The following CC2D2B variants were observed in gnomAD, a reference collection of about 807,000 sequenced individuals.
CC2D2B encodes the protein protein CC2D2B.
Under a neutral mutation model 161.2 loss-of-function variants are expected in CC2D2B, and 128 were observed. The ratio of observed to expected loss-of-function variants is 0.79; its 90% CI spans 0.69 to 0.92. CC2D2B has a LOEUF of 0.92. CC2D2B is among the 40% of genes least tolerant of loss of function. The probability of loss-of-function intolerance (pLI) is 0.00; values close to 1 mark genes in which losing one functional copy is unlikely to be tolerated. For synonymous variants in CC2D2B, 391 were observed against 449.8 expected, an observed-to-expected ratio of 0.87 and a Z score of 1.65; for missense variants, 1,173 against 1,375.1, an observed-to-expected ratio of 0.85 and a Z score of 2.32.
At chr10:95,963,540 G>C (rs537899767) in intron 12 of CC2D2B, among the ~76,000 whole-genome samples, 1 of 152,196 alleles carries the variant, frequency 6.6e-6, no homozygotes, top group South Asian at 2.1e-4. Context: ...TGAAGCCATG[G>C]GTGTGCATGA....
At position 95,965,986 on chromosome 10, in the gene CC2D2B, G is replaced by A. The variant is rs2076927234; in HGVS notation, c.1341G>A (p.Gly447=). 4 of 1,164,726 alleles carry A rather than the reference G, an allele frequency of 3.4e-6. No homozygotes were observed. The highest frequency in any genetic ancestry group is 4.4e-5 in the South Asian group (1 of 22,876). 72.1% of individuals were successfully genotyped at this position (1,164,726 alleles called of 1,614,324 possible). The change falls in exon 13 of 35, where the codon GGG becomes GGA. Residue 447 remains glycine (G), a synonymous_variant. Transcript: ENST00000646931. ...ATGAAGGAAAAGAACTTAAGAATGG[G>A]AAAAAACTGGAGGTATTTATATTGC... ...KKNEGKELKN[G]KKLESLSYLA... is the part of the protein sequence containing the mutation.
Position 96,000,975 on chromosome 10 carries a change from G to C in CC2D2B, c.2850-3177G>C, listed in dbSNP as rs1011226118. On this transcript the variant is annotated intron_variant, in intron 24 of 34. Transcript: ENST00000646931. ...GGATATCTTTTTCAATAACATTCCT[G>C]TATATAAAAGTATTTTTAGTTAAAA... is the stretch of plus-strand genomic sequence containing the variant. 113 of 152,184 alleles carry C rather than the reference G, an allele frequency of 7.4e-4. 1 individual carries two copies. Among genetic ancestry groups the C allele is most frequent in the African/African-American group, 2.6e-3 (110 of 41,518 alleles). 9.4% of individuals were successfully genotyped at this position (152,184 alleles called of 1,614,324 possible).
At chr10:95,995,230 C>T in intron 22 of CC2D2B, 39 bp from the exon 23 acceptor site, 1 of 1,187,934 alleles carries the variant, frequency 8.4e-7, no homozygotes, top group Non-Finnish European at 1.2e-6. Flanking sequence ...AATATTAAAA[C>T]TAATTAAGGT....
intron 10 of CC2D2B, among the ~76,000 whole-genome samples, chr10:95,954,817 A>G (rs2076519254): frequency 6.6e-6 from 1 of 152,054 alleles, no homozygotes; most frequent in Non-Finnish European, 1.5e-5. Context: ...AGTTCCCACA[A>G]ATTACCTCCA....
intron 34 of CC2D2B, among the ~76,000 whole-genome samples, chr10:96,029,296 A>ATG (rs1175990793): frequency 1.7e-5 from 2 of 116,882 alleles, no homozygotes; most frequent in Non-Finnish European, 3.8e-5. Flanking sequence ...GTATATATAT[A>ATG]TATATATATG....
chr10:96,003,598 G>A (rs1200317321), intron 24 of CC2D2B, among the ~76,000 whole-genome samples: 3 of 148,954 alleles, frequency 2.0e-5, no homozygotes, highest in African/African-American at 7.5e-5. Flanking sequence ...GTGTGTGTGT[G>A]TGTGTGTGTG....
intron 10 of CC2D2B, among the ~76,000 whole-genome samples, chr10:95,951,912 T>C (rs888396052): frequency 6.6e-5 from 10 of 152,176 alleles, no homozygotes; most frequent in African/African-American, 2.2e-4. Flanking sequence ...CAATTTATTC[T>C]CTTATGTGAA....
Position 96,027,327 on chromosome 10 carries a change from A to G in CC2D2B, c.4063A>G (p.Ile1355Val). The G allele has an allele frequency of 1.3e-6, 2 of 1,551,200 alleles. No individual in the cohort carries two copies. The highest frequency in any genetic ancestry group is 1.7e-6 in the Non-Finnish European group (2 of 1,146,712). Residue 1355 changes from isoleucine (I) to valine (V), a missense_variant, in exon 34 of 35, where the codon ATA (isoleucine) becomes GTA (valine). By Grantham distance (29) the Ile-to-Val change is conservative. This residue lies in a region of CC2D2B where 598 missense variants were observed against 693.2 expected (regional missense o/e 0.86). Coordinates refer to ENST00000646931, the MANE Select transcript of CC2D2B (RefSeq NM_001349008.3). ...RQILPKLEFG[I>V]GSFVSSEGDN... Reference sequence around the variant, plus strand: ...AATCCTTCCTAAGCTGGAATTTGGCATAGGAAGCTTTGTTTCATCTGAAGG... The same window carrying G: ...AATCCTTCCTAAGCTGGAATTTGGCGTAGGAAGCTTTGTTTCATCTGAAGG...
In CC2D2B at chr10:95,957,059, T is replaced by C. The variant is rs72813666; in HGVS notation, c.1109+1568T>C. 7.4e-3 allele frequency among the ~76,000 whole-genome samples: 1,130 copies of C among 152,264 alleles called. 8 individuals carry two copies. Among genetic ancestry groups the C allele is most frequent in the Middle Eastern group, 0.031 (9 of 294 alleles). The stretch of plus-strand genomic sequence containing the variant: ...GTAAATTGGGGTTAATTTTGGTCAA[T>C]GTCAGCTCTTAGCACAGTAGCAGCT... On this transcript the variant is annotated intron_variant, in intron 11 of 34. Coordinates refer to ENST00000646931, the MANE Select transcript of CC2D2B (RefSeq NM_001349008.3).
At chr10:95,909,978 C>G (rs1009832715) in intron 1 of CC2D2B, among the ~76,000 whole-genome samples, 1 of 152,186 alleles carries the variant, frequency 6.6e-6, no homozygotes, top group Admixed American at 6.5e-5. Context: ...GAGACCCTGT[C>G]TGTACCTAAT....
At chr10:95,992,274 C>T (rs1050772648) in intron 21 of CC2D2B, among the ~76,000 whole-genome samples, 2 of 152,164 alleles carry the variant, frequency 1.3e-5, no homozygotes, top group South Asian at 2.1e-4. Context: ...TCCATGTCCA[C>T]GTATCTGTTT....
At chr10:95,925,288 C>T (rs916757001) in intron 5 of CC2D2B, among the ~76,000 whole-genome samples, 7 of 152,074 alleles carry the variant, frequency 4.6e-5, no homozygotes, top group African/African-American at 1.7e-4. Flanking sequence ...GGAGCAGTAG[C>T]CTTAAAGTTC....
At chr10:95,961,194 T>C (rs1410899002) in intron 11 of CC2D2B, among the ~76,000 whole-genome samples, 1 of 152,194 alleles carries the variant, frequency 6.6e-6, no homozygotes, top group Non-Finnish European at 1.5e-5. Context: ...ATTGCTCCTT[T>C]CTTCCACCAT....
intron 19 of CC2D2B, among the ~76,000 whole-genome samples, chr10:95,984,293 T>A (rs2077633614): frequency 6.6e-6 from 1 of 152,196 alleles, no homozygotes; most frequent in Non-Finnish European, 1.5e-5. Context: ...TAAGGCTAGC[T>A]TTTCATATTA....
At position 95,972,198 on chromosome 10, in the gene CC2D2B, G is replaced by A. The variant is rs994246119; in HGVS notation, c.1777G>A (p.Asp593Asn). ...CTCTGATAAGCTGGTCATGCCTGCCGATGGAGAAGTAGGAAGCAGTGAGTT... is the reference window on the plus strand; with the variant it reads ...CTCTGATAAGCTGGTCATGCCTGCCAATGGAGAAGTAGGAAGCAGTGAGTT... The part of the protein sequence containing the change: ...FSSDKLVMPA[D>N]GEVGSNVPFL... The change falls in exon 16 of 35, where the codon GAT becomes AAT. Residue 593 changes from aspartate to asparagine, a missense_variant. By Grantham distance (23) the Asp-to-Asn change is conservative (BLOSUM62 1). This residue lies in a region of CC2D2B where 277 missense variants were observed against 420.6 expected (regional missense o/e 0.66). Transcript: ENST00000646931. The A allele has an allele frequency of 7.3e-6, 9 of 1,231,904 alleles. No homozygotes were observed. The highest frequency in any genetic ancestry group is 4.1e-5 in the South Asian group (1 of 24,326). The allele number at this position is 1,231,904 out of a possible 1,614,324, so 76.3% of individuals were successfully genotyped here.
intron 15 of CC2D2B, among the ~76,000 whole-genome samples, chr10:95,970,468 G>T (rs544108743): frequency 6.6e-6 from 1 of 152,064 alleles, no homozygotes; most frequent in Non-Finnish European, 1.5e-5. Flanking sequence ...GTTTAAAAAC[G>T]CCCATTTTCA....
chr10:95,944,834 A>G (rs1230212067), intron 9 of CC2D2B, among the ~76,000 whole-genome samples: 1 of 152,240 alleles, frequency 6.6e-6, no homozygotes, highest in Non-Finnish European at 1.5e-5. Flanking sequence ...TGTAAAGGCC[A>G]TCTCACCAAC....
chr10:95,927,857 G>A (rs1281584295), intron 6 of CC2D2B, among the ~76,000 whole-genome samples: 1 of 151,924 alleles, frequency 6.6e-6, no homozygotes, highest in Non-Finnish European at 1.5e-5. Flanking sequence ...CTCAAACTGT[G>A]TAGTCTCCCT....
chr10:95,971,617 C>A (rs1348417698), intron 15 of CC2D2B, among the ~76,000 whole-genome samples: 3 of 152,066 alleles, frequency 2.0e-5, no homozygotes, highest in Non-Finnish European at 4.4e-5. Flanking sequence ...CCAATCACTA[C>A]CTTTTTCCTA....
Sources: allele counts gnomAD v4.1 joint callset (sites outside exome capture counted in the v4.1 genomes callset), GRCh38; gene constraint gnomAD v4.1.1; regional missense constraint gnomAD v4.1.1; transcripts MANE v1.5; gene names NCBI Gene and HGNC (gene_info 2026-07-23, HGNC 2026-07-21).